RTL4: variants seen among roughly 807,000 people sequenced by gnomAD.
The protein encoded by RTL4 is retrotransposon Gag like 4, also known as retrotransposon Gag-like protein 4.
In RTL4, 4 loss-of-function variants were observed where a neutral mutation model predicts 5.3. The observed-to-expected ratio is 0.75, with a 90% CI of 0.37 to 1.72. The LOEUF (loss-of-function observed/expected upper bound fraction) is 1.72. RTL4 is among the 40% of genes most tolerant of loss of function. The probability of loss-of-function intolerance (pLI) is 0.04; values close to 1 mark genes in which losing one functional copy is unlikely to be tolerated. For missense variants in RTL4, 260 were observed against 227.1 expected (o/e 1.14, Z -0.93); for synonymous variants, 98 against 87.3 (o/e 1.12, Z -0.68).
chrX:112,123,946 G>T, the RTL4 span, among the ~76,000 whole-genome samples: 2 of 110,575 alleles, frequency 1.8e-5, no homozygotes, highest in African/African-American at 6.6e-5. Context: ...ATCTGACAAA[G>T]GTCTAATATC....
At chrX:112,322,337 A>C in the RTL4 span, among the ~76,000 whole-genome samples, 1 of 97,623 alleles carries the variant, frequency 1.0e-5, no homozygotes, top group Admixed American at 1.2e-4. Flanking sequence ...GATTTGCCTA[A>C]GGTAAGGCGC....
At chrX:112,341,707 G>A in the RTL4 span, among the ~76,000 whole-genome samples, 3 of 111,485 alleles carry the variant, frequency 2.7e-5, no homozygotes, top group East Asian at 8.5e-4. Flanking sequence ...ATATTATCAC[G>A]TTTATATACC....
the RTL4 span, among the ~76,000 whole-genome samples, chrX:112,209,143 G>A: frequency 8.9e-6 from 1 of 112,240 alleles, no homozygotes; most frequent in Non-Finnish European, 1.9e-5. Flanking sequence ...CTCCTCTGCT[G>A]AGGTCATCCG....
At chrX:112,099,619 G>GGA in the RTL4 span, among the ~76,000 whole-genome samples, 1 of 111,461 alleles carries the variant, frequency 9.0e-6, no homozygotes, top group Non-Finnish European at 1.9e-5. Flanking sequence ...ATATAGAGTA[G>GGA]GAGAGAGAGT....
Position 112,455,294 on chromosome X carries a change from C to A in RTL4, c.566C>A (p.Ala189Asp), listed in dbSNP as rs139100423. ...AGTGGTCAGTTCGAAAAGGCACTAG[C>A]TGATCCCAACCAGGATGAAGAGAGT... The change falls in exon 1 of 1, where the codon GCT becomes GAT. Residue 189 changes from alanine to aspartate, a missense_variant. By Grantham distance (126) the Ala-to-Asp change is moderately radical (BLOSUM62 -2). Transcript: ENST00000340433. The A allele has an allele frequency of 1.1e-4, 135 of 1,209,728 alleles. No homozygotes were observed. In the African/African-American group the frequency reaches 1.9e-3, roughly 17 times the overall value.
chrX:112,235,760 TG>T, the RTL4 span, among the ~76,000 whole-genome samples: 1 of 111,757 alleles, frequency 8.9e-6, no homozygotes, highest in Non-Finnish European at 1.9e-5. Context: ...CTGGCTTCAT[TG>T]GTACATCAAG....
chrX:112,214,696 T>A, the RTL4 span, among the ~76,000 whole-genome samples: 1 of 112,623 alleles, frequency 8.9e-6, no homozygotes, highest in Non-Finnish European at 1.9e-5. Flanking sequence ...TTGTTTTGTT[T>A]TGTTCATAAT....
At chrX:112,144,971 C>G in the RTL4 span, among the ~76,000 whole-genome samples, 4 of 111,308 alleles carry the variant, frequency 3.6e-5, no homozygotes, top group Non-Finnish European at 7.5e-5. Flanking sequence ...CATGCTCTTC[C>G]CCTCCTTCTC....
the RTL4 span, among the ~76,000 whole-genome samples, chrX:112,251,630 A>ATG: frequency 5.5e-3 from 589 of 107,937 alleles, 2 homozygotes; most frequent in Non-Finnish European, 8.7e-3. Context: ...ATAATATATT[A>ATG]TGTGTGTGTG....
chrX:112,235,274 C>A, the RTL4 span, among the ~76,000 whole-genome samples: 1 of 111,948 alleles, frequency 8.9e-6, no homozygotes, highest in East Asian at 2.8e-4. Flanking sequence ...AATACAGCCT[C>A]CTTTATGGAA....
At chrX:112,306,858 G>A in the RTL4 span, among the ~76,000 whole-genome samples, 1 of 111,872 alleles carries the variant, frequency 8.9e-6, no homozygotes. Context: ...GCAGGAAGCT[G>A]GTTCCAGTGC....
At chrX:112,130,272 G>A in the RTL4 span, among the ~76,000 whole-genome samples, 1 of 103,662 alleles carries the variant, frequency 9.6e-6, no homozygotes, top group Admixed American at 1.1e-4. Context: ...AGACGGAGTC[G>A]ATTTTTCTAA....
At chrX:112,293,016 T>C in the RTL4 span, among the ~76,000 whole-genome samples, 5 of 111,915 alleles carry the variant, frequency 4.5e-5, no homozygotes, top group South Asian at 1.5e-3. Flanking sequence ...ATCCAAAAAA[T>C]TGCTAATAGC....
the RTL4 span, among the ~76,000 whole-genome samples, chrX:112,211,335 G>A: frequency 8.9e-6 from 1 of 112,215 alleles, no homozygotes; most frequent in African/African-American, 3.2e-5. Context: ...CTGAAATGCA[G>A]ATGAGTGTAT....
chrX:112,442,902 G>A, the RTL4 span, among the ~76,000 whole-genome samples: 4 of 111,805 alleles, frequency 3.6e-5, no homozygotes, highest in Non-Finnish European at 7.5e-5. Context: ...TATCCTTTGT[G>A]TTACAAACAA....
At chrX:112,118,200 G>T in the RTL4 span, among the ~76,000 whole-genome samples, 7 of 112,027 alleles carry the variant, frequency 6.2e-5, no homozygotes, top group African/African-American at 1.9e-4. Flanking sequence ...TCTGGGAGTT[G>T]CTTAGCTGGG....
At chrX:112,083,533 A>G in the RTL4 span, among the ~76,000 whole-genome samples, 14 of 111,182 alleles carry the variant, frequency 1.3e-4, no homozygotes, top group Non-Finnish European at 2.5e-4. Flanking sequence ...AGTTGGAGCT[A>G]CCTAATTCTC....
the RTL4 span, among the ~76,000 whole-genome samples, chrX:112,368,356 C>T: frequency 8.9e-6 from 1 of 111,822 alleles, no homozygotes; most frequent in African/African-American, 3.2e-5. Flanking sequence ...TTATCTGGCA[C>T]GGACACAAAG....
the RTL4 span, among the ~76,000 whole-genome samples, chrX:112,153,697 C>T: frequency 9.0e-6 from 1 of 111,171 alleles, no homozygotes; most frequent in Non-Finnish European, 1.9e-5. Flanking sequence ...TATAGAATGA[C>T]CTAGATAATC....
Sources: allele counts gnomAD v4.1 joint callset (sites outside exome capture counted in the v4.1 genomes callset), GRCh38; gene constraint gnomAD v4.1.1; transcripts MANE v1.5; gene names NCBI Gene and HGNC (gene_info 2026-07-23, HGNC 2026-07-21).